Variants in BLTP1 observed in about 807,000 individuals in gnomAD.
BLTP1 encodes bridge-like lipid transfer protein family member 1, also known as fragile site-associated protein.
At chr4:122,203,823 T>C in the BLTP1 span, 6 of 529,244 alleles carry the variant, frequency 1.1e-5, no homozygotes, top group Non-Finnish European at 1.5e-5. Flanking sequence ...AATAGACTAA[T>C]AGCTGCAACA....
At chr4:122,355,938 G>A in the BLTP1 span, 1 of 1,611,828 alleles carries the variant, frequency 6.2e-7, no homozygotes, top group South Asian at 1.1e-5. Context: ...CAAGGATGCA[G>A]CTTGACTTTA....
the BLTP1 span, chr4:122,259,925 T>TA: frequency 3.2e-6 from 3 of 923,696 alleles, no homozygotes; most frequent in Admixed American, 6.2e-5. Context: ...CCAGAATCTG[T>TA]AAAATGATAA....
chr4:122,258,903 T>TA, the BLTP1 span: 1 of 1,045,438 alleles, frequency 9.6e-7, no homozygotes, highest in South Asian at 1.8e-5. Flanking sequence ...CCTAAAATTT[T>TA]ATCTCAAATT....
the BLTP1 span, chr4:122,201,866 A>G: frequency 3.0e-6 from 3 of 984,664 alleles, no homozygotes; most frequent in Non-Finnish European, 3.6e-6. Context: ...GTTGTTTTAT[A>G]CAAGCGTCTC....
chr4:122,194,826 C>G, the BLTP1 span: 1 of 313,542 alleles, frequency 3.2e-6, no homozygotes, highest in Admixed American at 6.5e-5. Flanking sequence ...TTAACCACTC[C>G]TTTCAGTAGA....
the BLTP1 span, chr4:122,225,056 G>A: frequency 2.4e-5 from 23 of 947,634 alleles, no homozygotes; most frequent in African/African-American, 3.6e-4. Context: ...AATTTTCTAA[G>A]AACTTTGTTT....
chr4:122,362,729 A>G, the BLTP1 span: 1 of 153,706 alleles, frequency 6.5e-6, no homozygotes, highest in Admixed American at 6.5e-5. Flanking sequence ...TAACTATTAT[A>G]ATAAAGTCAC....
the BLTP1 span, chr4:122,336,665 T>C: frequency 2.0e-6 from 2 of 978,058 alleles, no homozygotes; most frequent in Non-Finnish European, 2.4e-6. Flanking sequence ...CACTAGTTTC[T>C]TTGTACAGTG....
chr4:122,253,970 T>C, the BLTP1 span, among the ~76,000 whole-genome samples: 1 of 152,162 alleles, frequency 6.6e-6, no homozygotes, highest in Non-Finnish European at 1.5e-5. Context: ...AGTGGAATCT[T>C]TACAGGCCAG....
chr4:122,230,811 A>ATT, the BLTP1 span, among the ~76,000 whole-genome samples: 1 of 152,174 alleles, frequency 6.6e-6, no homozygotes, highest in Non-Finnish European at 1.5e-5. Flanking sequence ...CTAGAAATAT[A>ATT]GGAAACTATT....
At chr4:122,183,014 C>A in the BLTP1 span, 1 of 984,908 alleles carries the variant, frequency 1.0e-6, no homozygotes, top group Middle Eastern at 5.2e-4. Context: ...ATTTCATGAT[C>A]AAATGAAGTA....
chr4:122,234,844 G>A, the BLTP1 span: 1 of 1,613,454 alleles, frequency 6.2e-7, no homozygotes, highest in Non-Finnish European at 8.5e-7. Flanking sequence ...TGTCTCGGTG[G>A]CTGCAGATTC....
the BLTP1 span, chr4:122,214,105 G>T: frequency 3.5e-6 from 2 of 566,414 alleles, no homozygotes; most frequent in Non-Finnish European, 4.5e-6. Flanking sequence ...AGTACTTGTG[G>T]ACTTTTCCTA....
the BLTP1 span, chr4:122,289,212 T>C: frequency 1.3e-6 from 2 of 1,529,716 alleles, no homozygotes; most frequent in African/African-American, 2.7e-5. Context: ...TCTAGTACCT[T>C]ATAGTATAGG....
the BLTP1 span, among the ~76,000 whole-genome samples, chr4:122,301,907 T>G: frequency 6.6e-6 from 1 of 151,886 alleles, no homozygotes; most frequent in African/African-American, 2.4e-5. Flanking sequence ...ACAAAAAATT[T>G]GAAAAAACAA....
At chr4:122,314,740 A>C in the BLTP1 span, among the ~76,000 whole-genome samples, 1 of 152,186 alleles carries the variant, frequency 6.6e-6, no homozygotes, top group Admixed American at 6.6e-5. Context: ...AGAATTTTCA[A>C]CTGAGGTCAC....
At chr4:122,227,008 A>G in the BLTP1 span, 1 of 568,496 alleles carries the variant, frequency 1.8e-6, no homozygotes, top group Non-Finnish European at 2.7e-6. Flanking sequence ...AGTATCTAAA[A>G]TATGAGATAA....
chr4:122,328,550 TA>T, the BLTP1 span: 1 of 618,220 alleles, frequency 1.6e-6, no homozygotes, highest in East Asian at 1.4e-4. Flanking sequence ...TAGCTCCATA[TA>T]ACATTATTTT....
chr4:122,216,990 T>C, the BLTP1 span, among the ~76,000 whole-genome samples: 93 of 152,352 alleles, frequency 6.1e-4, 1 homozygote, highest in African/African-American at 2.2e-3. Context: ...GGCTTGCCAG[T>C]TATCCCAGCA....
Sources: gnomAD v4.1 joint callset for allele counts (sites outside exome capture counted in the v4.1 genomes callset) on GRCh38, gnomAD v4.1.1 for gene constraint, MANE v1.5 for transcripts, NCBI Gene and HGNC (gene_info 2026-07-23, HGNC 2026-07-21) for gene names.